Variants in AMOT observed in about 807,000 individuals in gnomAD.
The protein encoded by AMOT is angiomotin.
AMOT carries 11 observed loss-of-function variants against 67.0 expected under a neutral mutation model. The observed-to-expected ratio is 0.16, with a 90% confidence interval of 0.10 to 0.27. AMOT has a LOEUF of 0.27. Among genes scored for constraint, AMOT ranks in the 10% least tolerant of loss-of-function variants. AMOT has a pLI of 1.00. For synonymous variants in AMOT, 326 were observed against 321.4 expected, an observed-to-expected ratio of 1.01 and a Z score of -0.15; for missense variants, 753 against 852.0, an observed-to-expected ratio of 0.88 and a Z score of 1.45.
intron 8 of AMOT, among the ~76,000 whole-genome samples, chrX:112,792,353 A>G (rs750973029): frequency 8.9e-6 from 1 of 112,172 alleles, no homozygotes; most frequent in African/African-American, 3.2e-5. Flanking sequence ...TTGGGAAGGC[A>G]TATCTTATTT....
intron 4 of AMOT, among the ~76,000 whole-genome samples, chrX:112,821,750 T>A (rs377216158): frequency 8.9e-6 from 1 of 112,114 alleles, no homozygotes; most frequent in Non-Finnish European, 1.9e-5. Flanking sequence ...CATCTGGGTG[T>A]TTGTTTAGTC....
rs1477877411 is a variant in AMOT, at chrX:112,802,374, C to T, written c.1776+2573G>A. ...AATATAGAGGAGACACGACAAACAG[C>T]GCCCAGGAGCAAATCCAGCTCTGAG... On this transcript the variant is annotated intron_variant, in intron 8 of 13. Coordinates refer to ENST00000371959, the MANE Select transcript of AMOT (RefSeq NM_001113490.2). Among the ~76,000 whole-genome samples the T allele has an allele frequency of 4.4e-5, 5 of 112,391 alleles. No homozygotes were observed. The East Asian group carries it at 1.1e-3, about 25-fold the overall frequency.
At chrX:112,810,757 T>C (rs956104047) in intron 6 of AMOT, among the ~76,000 whole-genome samples, 3 of 110,026 alleles carry the variant, frequency 2.7e-5, no homozygotes, top group Admixed American at 1.9e-4. Context: ...GAAAGTACCA[T>C]CCCCAAGGTT....
intron 1 of AMOT, 124 bp downstream of exon 1, chrX:112,840,328 T>C (rs1044408718): frequency 1.8e-5 from 2 of 112,131 alleles, no homozygotes; most frequent in Non-Finnish European, 3.8e-5. Flanking sequence ...GCAAAGAAAG[T>C]AGAACACACG....
At chrX:112,793,469 T>G (rs1188337287) in intron 8 of AMOT, among the ~76,000 whole-genome samples, 2 of 111,246 alleles carry the variant, frequency 1.8e-5, no homozygotes, top group African/African-American at 6.5e-5. Flanking sequence ...TCCAAATCAC[T>G]ACTTGGTAGA....
At chrX:112,794,992 C>T (rs1269004393) in intron 8 of AMOT, among the ~76,000 whole-genome samples, 2 of 111,215 alleles carry the variant, frequency 1.8e-5, no homozygotes, top group Non-Finnish European at 3.8e-5. Context: ...CATTAGGCCT[C>T]AAACACTTTA....
intron 5 of AMOT, among the ~76,000 whole-genome samples, chrX:112,814,637 A>G (rs1044176808): frequency 9.8e-5 from 11 of 112,227 alleles, no homozygotes; most frequent in Non-Finnish European, 1.5e-4. Flanking sequence ...TAAAGTCCCA[A>G]TGGGGGTGGG....
intron 8 of AMOT, among the ~76,000 whole-genome samples, chrX:112,797,738 GC>G (rs1933876001): frequency 9.1e-6 from 1 of 110,149 alleles, no homozygotes; most frequent in South Asian, 3.9e-4. Context: ...CCGCGATCGC[GC>G]CACTGCACTC....
Position 112,840,647 on chromosome X carries a change from G to A in AMOT, c.-484C>T, listed in dbSNP as rs1215113067. ...CAGAGGGTGGAGCAGCGGATAGCCG[G>A]AGGCGAGACTGACTGGAGGTGGTGG... On this transcript the variant is annotated 5_prime_UTR_variant, in exon 1 of 14. Transcript: ENST00000371959. 8.8e-6 allele frequency: 1 copy of A among 113,281 alleles called. No individual in the cohort carries two copies. Among genetic ancestry groups the A allele is most frequent in the Non-Finnish European group, 1.9e-5 (1 of 53,506 alleles). The allele number at this position is 113,281 out of a possible 1,213,427, so 9.3% of individuals were successfully genotyped here. A position where few individuals can be genotyped will look rare whatever the true frequency, so the allele number is the denominator to read the frequency against.
At chrX:112,792,429 T>C (rs1258904589) in intron 8 of AMOT, among the ~76,000 whole-genome samples, 1 of 112,492 alleles carries the variant, frequency 8.9e-6, no homozygotes, top group Non-Finnish European at 1.9e-5. Context: ...TGCTTTGGTA[T>C]GGAAAGAAAG....
rs567451953 is a variant in AMOT, at chrX:112,813,216, C to T, written c.1393-1823G>A. Among the ~76,000 whole-genome samples the T allele has an allele frequency of 5.4e-5, 6 of 111,628 alleles. No homozygotes were observed. In the South Asian group the frequency reaches 2.3e-3, roughly 43 times the overall value. On this transcript the variant is annotated intron_variant, in intron 5 of 13. Coordinates refer to ENST00000371959, the MANE Select transcript of AMOT (RefSeq NM_001113490.2). ...TCTTGTACTAATCCTTCCCCTACCC[C>T]CTGTGTAGATACTCCATCCTTCAAA...
chrX:112,810,534 C>T (rs1271851166), intron 6 of AMOT, among the ~76,000 whole-genome samples: 6 of 110,616 alleles, frequency 5.4e-5, no homozygotes, highest in Non-Finnish European at 1.1e-4. Context: ...CGTGGCAAAA[C>T]CCCATCTCTA....
chrX:112,823,264 T>C, intron 3 of AMOT, 76 bp from the exon 4 acceptor site: 2 of 610,875 alleles, frequency 3.3e-6, no homozygotes, highest in South Asian at 6.9e-5. Flanking sequence ...AAAATGGATA[T>C]TGGAGGGTGA....
In AMOT at chrX:112,839,728, CT is replaced by C. The variant is rs754136330; in HGVS notation, c.-289+723del. Among the ~76,000 whole-genome samples the C allele has an allele frequency of 4.3e-3, 478 of 111,370 alleles. 1 individual carries two copies. The highest frequency in any genetic ancestry group is 9.2e-3 in the Middle Eastern group (2 of 218). On this transcript the variant is annotated intron_variant, in intron 1 of 13. Transcript: ENST00000371959. Reference sequence around the variant, plus strand: ...TTAAAGACTGTTATTTTCCCTCCCCCTTTTCTTTCTCTTCATTTTCACAAAC... The same window carrying C: ...TTAAAGACTGTTATTTTCCCTCCCCCTTTCTTTCTCTTCATTTTCACAAAC...
chrX:112,781,665 T>C, intron 11 of AMOT, among the ~76,000 whole-genome samples: 1 of 110,114 alleles, frequency 9.1e-6, no homozygotes, highest in Non-Finnish European at 1.9e-5. Flanking sequence ...AGCTGTTGCT[T>C]AAATCTTAGT....
At chrX:112,808,688 T>C (rs186123880) in intron 7 of AMOT, among the ~76,000 whole-genome samples, 7 of 112,145 alleles carry the variant, frequency 6.2e-5, no homozygotes, top group Admixed American at 3.8e-4. Context: ...AGGAGTATGA[T>C]CTAGCTGATC....
At chrX:112,804,897 T>C (rs369982058) in intron 8 of AMOT, 50 bp downstream of exon 8, 12 of 946,584 alleles carry the variant, frequency 1.3e-5, no homozygotes, top group Admixed American at 6.8e-5. Flanking sequence ...TGTCCCCGAT[T>C]TCCCAGCCCT....
chrX:112,819,890 T>C (rs1294974263), intron 4 of AMOT, among the ~76,000 whole-genome samples: 1 of 112,744 alleles, frequency 8.9e-6, no homozygotes, highest in Non-Finnish European at 1.9e-5. Flanking sequence ...GGGCTCAGAA[T>C]GTAGTCTTCT....
intron 4 of AMOT, 81 bp from the exon 5 acceptor site, chrX:112,815,958 G>T: frequency 9.0e-7 from 1 of 1,111,607 alleles, no homozygotes; most frequent in South Asian, 2.2e-5. Flanking sequence ...GTGAGATGAG[G>T]AGGCTTCTGA....
Sources: allele counts gnomAD v4.1 joint callset (sites outside exome capture counted in the v4.1 genomes callset), GRCh38; gene constraint gnomAD v4.1.1; transcripts MANE v1.5; gene names NCBI Gene and HGNC (gene_info 2026-07-23, HGNC 2026-07-21).